The following CACNA1G variants were observed in gnomAD, a reference collection of about 807,000 sequenced individuals.
CACNA1G encodes the protein voltage-dependent T-type calcium channel subunit alpha-1G.
In CACNA1G, 67 loss-of-function variants were observed where a neutral mutation model predicts 219.4. The observed-to-expected ratio is 0.31, with a 90% confidence interval of 0.25 to 0.37. The LOEUF is 0.37. Ranked by LOEUF, CACNA1G falls within the 10% of genes least tolerant of loss-of-function variation. The probability of loss-of-function intolerance (pLI) is 1.00; values close to 1 mark genes in which losing one functional copy is unlikely to be tolerated. For synonymous variants in CACNA1G, 1,296 were observed against 1,345.3 expected (o/e 0.96, Z 0.80); for missense variants, 2,380 against 3,231.4 (o/e 0.74, Z 6.39).
intron 21 of CACNA1G, 77 bp from the exon 22 acceptor site, chr17:50,604,078 G>T (rs1403530260): frequency 6.8e-7 from 1 of 1,471,008 alleles, no homozygotes; most frequent in Non-Finnish European, 9.1e-7. Flanking sequence ...AAGGTTGGGG[G>T]TGGGGAGCAG....
In CACNA1G at chr17:50,590,627, G is replaced by C; in HGVS notation, c.2453+5G>C. On this transcript the variant is annotated splice_donor_5th_base_variant and intron_variant, in intron 10 of 37. Transcript: ENST00000359106. ...TGGTGTCATTGTGGTCATCAGGTAT[G>C]ACTACCCCCCGGCACTGACTCTCAG... 1 of 1,612,490 alleles carries C rather than the reference G, an allele frequency of 6.2e-7. No homozygotes were observed.
chr17:50,566,074 C>A (rs1346101022), intron 1 of CACNA1G, among the ~76,000 whole-genome samples: 1 of 152,118 alleles, frequency 6.6e-6, no homozygotes, highest in Non-Finnish European at 1.5e-5. Flanking sequence ...ACATGGTTTT[C>A]CCCCAACCTG....
chr17:50,624,324 T>TGCCCCCCCCCCCCCC, intron 36 of CACNA1G, 36 bp from the exon 37 acceptor site: 7 of 1,177,642 alleles, frequency 5.9e-6, no homozygotes, highest in East Asian at 2.7e-5. Flanking sequence ...CTCCATTCTC[T>TGCCCCCCCCCCCCCC]CCCCCCACCC....
rs376137674 is a variant in CACNA1G, at chr17:50,596,039, A to G, written c.2980-523A>G. The stretch of plus-strand genomic sequence containing the variant: ...GGGGGCCGGGACTTGGGGAAGATGA[A>G]GGGAAGACACCGAGGGACTGAAGTG... On this transcript the variant is annotated intron_variant, in intron 14 of 37. Coordinates refer to ENST00000359106, the MANE Select transcript of CACNA1G (RefSeq NM_018896.5). The surrounding 1 kb of genome is among the most constrained non-coding windows in gnomAD (Gnocchi z 4.8). 6.6e-5 allele frequency among the ~76,000 whole-genome samples: 10 copies of G among 152,286 alleles called. No individual in the cohort carries two copies. Among genetic ancestry groups the G allele is most frequent in the African/African-American group, 2.4e-4 (10 of 41,560 alleles).
chr17:50,603,319 T>TGGGGGTCACA lies in CACNA1G; in HGVS notation c.4169+121_4169+122insGGGGTCACAG. 1.2e-6 allele frequency: 1 copy of TGGGGGTCACA among 852,006 alleles called. No homozygotes were observed. The highest frequency in any genetic ancestry group is 1.8e-6 in the Non-Finnish European group (1 of 552,948). 52.8% of individuals were successfully genotyped at this position (852,006 alleles called of 1,614,324 possible). On this transcript the variant is annotated intron_variant, in intron 21 of 37. Transcript: ENST00000359106. The surrounding 1 kb of genome is among the most constrained non-coding windows in gnomAD (Gnocchi z 6.4). ...CCTGCACAGGCCAGCATCCTGTCTG[T>TGGGGGTCACA]GACCCCCACAGGCGATCCTGTCCCC...
intron 5 of CACNA1G, 54 bp from the exon 6 acceptor site, chr17:50,572,500 T>C: frequency 7.0e-7 from 1 of 1,418,992 alleles, no homozygotes. Flanking sequence ...CTGGGCCCTC[T>C]CCCTGGAGAG....
chr17:50,585,946 G>A (rs1270589924), intron 9 of CACNA1G, among the ~76,000 whole-genome samples: 1 of 152,178 alleles, frequency 6.6e-6, no homozygotes, highest in East Asian at 1.9e-4. Context: ...AGTGGAGCAG[G>A]TGGAAGCTGG....
intron 37 of CACNA1G, among the ~76,000 whole-genome samples, chr17:50,625,644 C>T (rs2053587872): frequency 6.6e-6 from 1 of 152,132 alleles, no homozygotes. Flanking sequence ...GAAGGGTATT[C>T]AGAGCCAAAG....
chr17:50,615,887 C>T (rs1339497869), intron 27 of CACNA1G, among the ~76,000 whole-genome samples: 1 of 152,214 alleles, frequency 6.6e-6, no homozygotes, highest in East Asian at 1.9e-4. Context: ...TCACCTGTGA[C>T]CTTGCCACTT....
At chr17:50,567,328 G>T (rs1162456732) in intron 1 of CACNA1G, among the ~76,000 whole-genome samples, 1 of 152,180 alleles carries the variant, frequency 6.6e-6, no homozygotes, top group African/African-American at 2.4e-5. Context: ...GACAGGTGGC[G>T]AGCAGGCATG....
At position 50,617,936 on chromosome 17, in the gene CACNA1G, G is replaced by A. The variant is rs116224642; in HGVS notation, c.5226+7G>A. On this transcript the variant is annotated splice_region_variant and intron_variant, in intron 30 of 37. Transcript: ENST00000359106. The surrounding 1 kb of genome is among the most constrained non-coding windows in gnomAD (Gnocchi z 5.8). ...GATGCAGGCCCTGCCCCAGGTAGCCGGGAGGTGGGGGGCCTCTGGGGAGGG... is the reference window on the plus strand; with the variant it reads ...GATGCAGGCCCTGCCCCAGGTAGCCAGGAGGTGGGGGGCCTCTGGGGAGGG... 1,882 of 1,613,604 alleles carry A rather than the reference G, an allele frequency of 1.2e-3. 24 individuals are homozygous for A. In the African/African-American group the frequency reaches 0.022, roughly 19 times the overall value.
At chr17:50,616,686 G>C (rs1162173381) in intron 28 of CACNA1G, among the ~76,000 whole-genome samples, 1 of 152,198 alleles carries the variant, frequency 6.6e-6, no homozygotes, top group Non-Finnish European at 1.5e-5. Flanking sequence ...GCCTGAACTG[G>C]ATTTGAATCC....
Position 50,591,451 on chromosome 17 carries a change from G to A in CACNA1G, c.2470G>A (p.Gly824Ser). The A allele has an allele frequency of 6.3e-7, 1 of 1,582,798 alleles. No individual in the cohort carries two copies. Among genetic ancestry groups the A allele is most frequent in the Non-Finnish European group, 8.6e-7 (1 of 1,166,056 alleles). Residue 824 changes from glycine to serine, a missense_variant, in exon 11 of 38, where the codon GGC becomes AGC. Physicochemically the swap from Gly to Ser is moderately conservative, Grantham distance 56. This residue lies in a region of CACNA1G where 82 missense variants were observed against 140.7 expected (regional missense o/e 0.58). Coordinates refer to ENST00000359106, the MANE Select transcript of CACNA1G (RefSeq NM_018896.5). ...IVVISVWEIV[G>S]QQGGGLSVLR... ...CCTTTGCAGCGTGTGGGAGATCGTG[G>A]GCCAGCAGGGGGGCGGCCTGTCGGT...
At chr17:50,609,719 C>T (rs1162153021) in intron 25 of CACNA1G, among the ~76,000 whole-genome samples, 163 bp from the exon 26 acceptor site, 1 of 152,202 alleles carries the variant, frequency 6.6e-6, no homozygotes, top group Non-Finnish European at 1.5e-5. Context: ...GTGCCCTGTG[C>T]CCCCAGCTTC....
intron 22 of CACNA1G, among the ~76,000 whole-genome samples, chr17:50,604,961 T>G (rs1164843792): frequency 6.6e-6 from 1 of 152,118 alleles, no homozygotes; most frequent in Non-Finnish European, 1.5e-5. Flanking sequence ...CGCCCCTCGT[T>G]CCCTTGGCTT....
At chr17:50,612,405 G>A (rs543474392) in intron 26 of CACNA1G, among the ~76,000 whole-genome samples, 5 of 152,228 alleles carry the variant, frequency 3.3e-5, no homozygotes, top group African/African-American at 4.8e-5. Context: ...GGGAGGGACC[G>A]GGGCTGCTGG....
chr17:50,605,416 C>T (rs994232405), intron 22 of CACNA1G, among the ~76,000 whole-genome samples: 2 of 152,160 alleles, frequency 1.3e-5, no homozygotes, highest in African/African-American at 2.4e-5. Context: ...GATACCCACT[C>T]CCCCACCCAG....
In CACNA1G at chr17:50,623,549, C is replaced by CG. The variant is rs1182066648; in HGVS notation, c.6061-358_6061-357insG. ...ATCAGCTTGTGAGCCACCTGCAGGG[C>CG]TGGGGGCTGGGGGCTGCTCTCCCTT... On this transcript the variant is annotated intron_variant, in intron 35 of 37. Coordinates refer to ENST00000359106, the MANE Select transcript of CACNA1G (RefSeq NM_018896.5). Among the ~76,000 whole-genome samples, 5 of 152,202 alleles carry CG rather than the reference C, an allele frequency of 3.3e-5. No individual in the cohort carries two copies. In the East Asian group the frequency reaches 9.7e-4, roughly 29 times the overall value.
intron 24 of CACNA1G, 48 bp downstream of exon 24, chr17:50,607,037 C>T: frequency 4.3e-6 from 6 of 1,404,940 alleles, no homozygotes; most frequent in Non-Finnish European, 6.1e-6. Flanking sequence ...GGTCACTCAG[C>T]ATGGGCTGAT....
Sources: gnomAD v4.1 joint callset for allele counts (sites outside exome capture counted in the v4.1 genomes callset) on GRCh38, gnomAD v4.1.1 for gene constraint, gnomAD v4.1.1 regional missense constraint, Gnocchi (gnomAD v3.1) non-coding constraint, MANE v1.5 for transcripts, NCBI Gene and HGNC (gene_info 2026-07-23, HGNC 2026-07-21) for gene names.